CHL1: variants seen among roughly 807,000 people sequenced by gnomAD.
The protein encoded by CHL1 is neural cell adhesion molecule L1-like protein.
In CHL1, 96 loss-of-function variants were observed where a neutral mutation model predicts 141.9. The ratio of observed to expected loss-of-function variants is 0.68; its 90% CI spans 0.57 to 0.80. CHL1 has a LOEUF of 0.80. Among genes scored for constraint, CHL1 ranks in the 30% least tolerant of loss-of-function variants. The probability of loss-of-function intolerance (pLI) is 0.00; values close to 1 mark genes in which losing one functional copy is unlikely to be tolerated. For missense variants in CHL1, 1,820 were observed against 1,457.2 expected (o/e 1.25, Z -4.05); for synonymous variants, 613 against 502.2 (o/e 1.22, Z -2.95).
intron 2 of CHL1, among the ~76,000 whole-genome samples, chr3:251,196 C>A (rs763582934): frequency 7.9e-5 from 12 of 152,028 alleles, no homozygotes; most frequent in Non-Finnish European, 1.3e-4. Flanking sequence ...TGATTGGGAA[C>A]TTTATTAGAA....
chr3:318,191 A>T lies in CHL1; in HGVS notation c.-94-1492A>T, dbSNP rs550148290. The stretch of plus-strand genomic sequence containing the variant: ...TTCCTTAAGACTGCTAAAACTGTGA[A>T]ACAACAGCCATTAGTTACTACTTTA... On this transcript the variant is annotated intron_variant, in intron 2 of 27. Coordinates refer to ENST00000256509, the MANE Select transcript of CHL1 (RefSeq NM_006614.4). Among the ~76,000 whole-genome samples the T allele has an allele frequency of 2.6e-5, 4 of 151,914 alleles. No individual in the cohort carries two copies. In the South Asian group the frequency reaches 8.3e-4, roughly 31 times the overall value.
rs1295138776 is a variant in CHL1, at chr3:223,178, CT to C, written c.-174-21432del. 3.9e-5 allele frequency among the ~76,000 whole-genome samples: 6 copies of C among 152,282 alleles called. No homozygotes were observed. The East Asian group carries it at 1.2e-3, about 29-fold the overall frequency. On this transcript the variant is annotated intron_variant, in intron 1 of 27. Transcript: ENST00000256509. Reference sequence around the variant, plus strand: ...TATTATTTTAATCAGTTGCTCCACCCTTTAAACTCTTTTCTGGTTGATATAT... The same window carrying C: ...TATTATTTTAATCAGTTGCTCCACCCTTAAACTCTTTTCTGGTTGATATAT...
chr3:384,243 T>C (rs1707399644), intron 19 of CHL1: 2 of 163,724 alleles, frequency 1.2e-5, no homozygotes, highest in Non-Finnish European at 2.7e-5. Flanking sequence ...CTAGATATTA[T>C]GCATATCAAA....
At chr3:336,324 G>A (rs962188091) in intron 5 of CHL1, among the ~76,000 whole-genome samples, 11 of 152,146 alleles carry the variant, frequency 7.2e-5, no homozygotes, top group Non-Finnish European at 1.5e-4. Flanking sequence ...AGAATCTGTA[G>A]TGTTGCATAA....
At chr3:253,383 A>G (rs192085716) in intron 2 of CHL1, among the ~76,000 whole-genome samples, 146 of 152,302 alleles carry the variant, frequency 9.6e-4, no homozygotes, top group African/African-American at 3.5e-3. Context: ...CTGGTATCAG[A>G]GAATTATACC....
At chr3:316,023 G>A (rs192068886) in intron 2 of CHL1, among the ~76,000 whole-genome samples, 2 of 152,064 alleles carry the variant, frequency 1.3e-5, no homozygotes, top group African/African-American at 4.8e-5. Flanking sequence ...AGATTGGTTC[G>A]ATCAGGTGTG....
chr3:316,191 G>A (rs2125015510), intron 2 of CHL1, among the ~76,000 whole-genome samples: 1 of 152,096 alleles, frequency 6.6e-6, no homozygotes, highest in Non-Finnish European at 1.5e-5. Flanking sequence ...AACATGATTG[G>A]CACAACTGCC....
rs1196572171 is a variant in CHL1 at position 319,689 on chromosome 3, G to A, written c.-88G>A. On this transcript the variant is annotated 5_prime_UTR_variant, in exon 3 of 28. Coordinates refer to ENST00000256509, the MANE Select transcript of CHL1 (RefSeq NM_006614.4). The stretch of plus-strand genomic sequence containing the variant: ...ATTCTGTTTGTGTTTTTAGTTTCCA[G>A]GTTAACTAAGGTCTCAGCTGTAAAC... 6 of 742,966 alleles carry A rather than the reference G, an allele frequency of 8.1e-6. No individual in the cohort carries two copies. Among genetic ancestry groups the A allele is most frequent in the Middle Eastern group, 2.3e-4 (1 of 4,322 alleles). 46.0% of individuals were successfully genotyped at this position (742,966 alleles called of 1,614,324 possible). A position where few individuals can be genotyped will look rare whatever the true frequency, so the allele number is the denominator to read the frequency against.
At chr3:298,394 A>C (rs1236751509) in intron 2 of CHL1, among the ~76,000 whole-genome samples, 2 of 147,680 alleles carry the variant, frequency 1.4e-5, no homozygotes, top group Middle Eastern at 3.3e-3. Flanking sequence ...CTTTCTTTCC[A>C]CATAAGAGCA....
At chr3:377,771 T>A (rs751078296) in intron 15 of CHL1, 47 bp from the exon 16 acceptor site, 1 of 1,507,272 alleles carries the variant, frequency 6.6e-7, no homozygotes, top group Non-Finnish European at 9.1e-7. Context: ...GTTTCTATCA[T>A]TTCTATTGTT....
At chr3:398,104 C>G (rs1360355453) in intron 24 of CHL1, 123 bp from the exon 25 acceptor site, 2 of 532,782 alleles carry the variant, frequency 3.8e-6, no homozygotes, top group Non-Finnish European at 6.1e-6. Context: ...CCTGGTAATT[C>G]AAAAACTATC....
intron 1 of CHL1, among the ~76,000 whole-genome samples, chr3:232,742 T>C (rs1444611459): frequency 6.6e-6 from 1 of 152,062 alleles, no homozygotes; most frequent in Non-Finnish European, 1.5e-5. Flanking sequence ...AATCAGAGGT[T>C]GTTAGCTCCA....
At chr3:276,311 C>G (rs1416721160) in intron 2 of CHL1, among the ~76,000 whole-genome samples, 2 of 152,094 alleles carry the variant, frequency 1.3e-5, no homozygotes, top group African/African-American at 4.8e-5. Context: ...TCAACTTGAG[C>G]TTTGAAGGTT....
intron 11 of CHL1, 37 bp downstream of exon 11, chr3:354,808 G>T (rs757260428): frequency 6.2e-7 from 1 of 1,609,344 alleles, no homozygotes; most frequent in Non-Finnish European, 8.5e-7. Context: ...AATGCTGAAG[G>T]CCCTGGTTTG....
intron 12 of CHL1, among the ~76,000 whole-genome samples, chr3:361,403 G>A (rs1285162757): frequency 5.5e-5 from 7 of 128,220 alleles, no homozygotes; most frequent in Admixed American, 3.7e-4. Flanking sequence ...CTTCTGCACA[G>A]CAAAGGAAAC....
intron 5 of CHL1, among the ~76,000 whole-genome samples, chr3:339,503 G>C (rs1702197953): frequency 1.3e-5 from 2 of 152,188 alleles, no homozygotes; most frequent in African/African-American, 4.8e-5. Context: ...TTGAGCAAGA[G>C]GAAACCCACT....
chr3:210,617 G>A (rs1255437905), intron 1 of CHL1, among the ~76,000 whole-genome samples: 2 of 152,214 alleles, frequency 1.3e-5, no homozygotes, highest in African/African-American at 4.8e-5. Context: ...TCCTCAGACC[G>A]TTCAGATTCA....
At chr3:297,959 A>C (rs1698352558) in intron 2 of CHL1, among the ~76,000 whole-genome samples, 2 of 152,192 alleles carry the variant, frequency 1.3e-5, no homozygotes, top group African/African-American at 4.8e-5. Context: ...TAGGTCTGGT[A>C]CAGCTGTAAG....
chr3:390,225 T>C (rs1288451343), intron 20 of CHL1, among the ~76,000 whole-genome samples: 1 of 152,244 alleles, frequency 6.6e-6, no homozygotes, highest in Non-Finnish European at 1.5e-5. Flanking sequence ...ATTTGGCTTA[T>C]TACTCTGTAG....
Sources: allele counts gnomAD v4.1 joint callset (sites outside exome capture counted in the v4.1 genomes callset), GRCh38; gene constraint gnomAD v4.1.1; transcripts MANE v1.5; gene names NCBI Gene and HGNC (gene_info 2026-07-23, HGNC 2026-07-21).